NDUFAF1: variants seen among roughly 807,000 people sequenced by gnomAD.
NDUFAF1 encodes the protein complex I intermediate-associated protein 30, mitochondrial.
In NDUFAF1, 18 loss-of-function variants were observed where a neutral mutation model predicts 28.7. That is an observed-to-expected ratio of 0.63 (90% CI 0.43 to 0.93). The LOEUF (loss-of-function observed/expected upper bound fraction) is 0.93. Ranked by LOEUF, NDUFAF1 falls within the 40% of genes least tolerant of loss-of-function variation. NDUFAF1 has a pLI of 0.00. For missense variants in NDUFAF1, 404 were observed against 398.3 expected, an observed-to-expected ratio of 1.01 and a Z score of -0.12; for synonymous variants, 113 against 139.7, an observed-to-expected ratio of 0.81 and a Z score of 1.35.
intron 3 of NDUFAF1, among the ~76,000 whole-genome samples, chr15:41,391,453 C>T (rs189606995): frequency 6.6e-6 from 1 of 151,632 alleles, no homozygotes; most frequent in East Asian, 1.9e-4. Flanking sequence ...AATGAAACCC[C>T]ATCTCTCCTA....
rs562572530 is a variant in NDUFAF1 at position 41,392,768 on chromosome 15, C to T, written c.759+2091G>A. ...CAGGTATTTCTTCATAGCAGCAGCACGAGAACAGACTAATACAGCTTACAT... is the reference window on the plus strand; with the variant it reads ...CAGGTATTTCTTCATAGCAGCAGCATGAGAACAGACTAATACAGCTTACAT... On this transcript the variant is annotated intron_variant, in intron 3 of 4. Coordinates refer to ENST00000260361, the MANE Select transcript of NDUFAF1 (RefSeq NM_016013.4). Among the ~76,000 whole-genome samples the T allele has an allele frequency of 3.8e-4, 58 of 152,220 alleles. 1 individual carries two copies. Among genetic ancestry groups the T allele is most frequent in the Middle Eastern group, 3.4e-3 (1 of 294 alleles).
chr15:41,396,846 T>A lies in NDUFAF1; in HGVS notation c.214A>T (p.Thr72Ser), dbSNP rs770749376. The change falls in exon 2 of 5, where the codon ACT becomes TCT. Residue 72 changes from threonine to serine, a missense_variant. Coordinates refer to ENST00000260361, the MANE Select transcript of NDUFAF1 (RefSeq NM_016013.4). ...DHQKEVALDI[T>S]SSEEKPDVSF... ...ACATCAGGCTTCTCCTCAGAAGAAG[T>A]TATATCCAAAGCAACTTCTTTCTGG... is the stretch of plus-strand genomic sequence containing the variant. 1 of 1,614,088 alleles carries A rather than the reference T, an allele frequency of 6.2e-7. No homozygotes were observed. The highest frequency in any genetic ancestry group is 1.7e-5 in the Admixed American group (1 of 59,980).
intron 3 of NDUFAF1, among the ~76,000 whole-genome samples, chr15:41,391,144 A>G (rs1315150659): frequency 1.3e-5 from 2 of 151,942 alleles, no homozygotes; most frequent in Non-Finnish European, 2.9e-5. Flanking sequence ...TATTTTGTAT[A>G]ATAATTCATT....
rs1257782096 is a variant in NDUFAF1 at position 41,396,852 on chromosome 15, C to A, written c.208G>T (p.Asp70Tyr). ...QGDHQKEVAL[D>Y]ITSSEEKPDV... The stretch of plus-strand genomic sequence containing the variant: ...GGCTTCTCCTCAGAAGAAGTTATAT[C>A]CAAAGCAACTTCTTTCTGGTGATCT... Residue 70 changes from aspartate (D) to tyrosine (Y), a missense_variant, in exon 2 of 5, where the codon GAT (aspartate) becomes TAT (tyrosine). By Grantham distance (160) the Asp-to-Tyr change is radical. Transcript: ENST00000260361. The A allele has an allele frequency of 6.2e-7, 1 of 1,614,138 alleles. No homozygotes were observed. The highest frequency in any genetic ancestry group is 8.5e-7 in the Non-Finnish European group (1 of 1,180,028).
intron 1 of NDUFAF1, among the ~76,000 whole-genome samples, chr15:41,399,455 G>A (rs1256280609): frequency 6.6e-6 from 1 of 151,752 alleles, no homozygotes; most frequent in Non-Finnish European, 1.5e-5. Context: ...TACTCGGGAG[G>A]CTGAGGCAGG....
intron 1 of NDUFAF1, among the ~76,000 whole-genome samples, chr15:41,399,908 G>A (rs1338415042): frequency 1.4e-5 from 2 of 147,868 alleles, no homozygotes; most frequent in East Asian, 2.0e-4. Context: ...GTGTGGTGAC[G>A]GGCACCTATA....
chr15:41,392,074 T>A (rs1431975856), intron 3 of NDUFAF1, among the ~76,000 whole-genome samples: 1 of 148,122 alleles, frequency 6.8e-6, no homozygotes, highest in African/African-American at 2.5e-5. Flanking sequence ...TTCTTTTTTT[T>A]TTTTTTTTTT....
At chr15:41,398,663 A>T (rs79024188) in intron 1 of NDUFAF1, among the ~76,000 whole-genome samples, 4,943 of 152,066 alleles carry the variant, frequency 0.033, 138 homozygotes, top group Middle Eastern at 0.078. Flanking sequence ...TAATTTTTTT[A>T]AAAAATGTTG....
chr15:41,402,741 T>TTA (rs1231959302), upstream of NDUFAF1, among the ~76,000 whole-genome samples: 1 of 148,814 alleles, frequency 6.7e-6, no homozygotes, highest in African/African-American at 2.5e-5. Flanking sequence ...TTTTTTTTTT[T>TTA]TTTTTTTTGA....
chr15:41,398,023 CAAAA>C (rs1217218175), intron 1 of NDUFAF1, among the ~76,000 whole-genome samples: 1 of 56,972 alleles, frequency 1.8e-5, no homozygotes, highest in Admixed American at 2.1e-4. Flanking sequence ...GACTCTGTCT[CAAAA>C]AAAAAAAAAA....
At chr15:41,388,587 G>A in intron 3 of NDUFAF1, 65 bp from the exon 4 acceptor site, 1 of 1,031,600 alleles carries the variant, frequency 9.7e-7, no homozygotes, top group East Asian at 2.4e-5. Flanking sequence ...GCATGTAATT[G>A]TAACGATAAA....
chr15:41,394,861 T>C lies in NDUFAF1; in HGVS notation c.757A>G (p.Lys253Glu). Reference sequence around the variant, plus strand: ...ACAATGAAGATTTATGCTGTTACCTTGACCTCCTGCCAGTAGGGTCCCCCG... The same window carrying C: ...ACAATGAAGATTTATGCTGTTACCTCGACCTCCTGCCAGTAGGGTCCCCCG... ...TRGGPYWQEVKIPFSKFFFSN... is the reference protein window; with the variant it reads ...TRGGPYWQEVEIPFSKFFFSN... Residue 253 changes from lysine to glutamate, a missense_variant and splice_region_variant, in exon 3 of 5, where the codon AAG becomes GAG. Coordinates refer to ENST00000260361, the MANE Select transcript of NDUFAF1 (RefSeq NM_016013.4). 6.2e-7 allele frequency: 1 copy of C among 1,613,984 alleles called. No homozygotes were observed. Among genetic ancestry groups the C allele is most frequent in the Non-Finnish European group, 8.5e-7 (1 of 1,179,942 alleles).
intron 2 of NDUFAF1, 38 bp downstream of exon 2, chr15:41,396,447 CCT>C (rs370930507): frequency 2.0e-4 from 311 of 1,577,544 alleles, no homozygotes; most frequent in Middle Eastern, 8.4e-4. Flanking sequence ...GAAGTTCACC[CCT>C]GTTTACTAGA....
chr15:41,397,635 TAAAAATACA>T (rs1370943982), intron 1 of NDUFAF1, among the ~76,000 whole-genome samples: 1 of 151,556 alleles, frequency 6.6e-6, no homozygotes, highest in East Asian at 1.9e-4. Flanking sequence ...CCGTCTCTAC[TAAAAATACA>T]AAAAATTAGC....
At chr15:41,402,022 C>T in intron 1 of NDUFAF1, 122 bp downstream of exon 1, 2 of 249,672 alleles carry the variant, frequency 8.0e-6, no homozygotes, top group South Asian at 4.1e-5. Flanking sequence ...TTTTTTCTAC[C>T]AGTAAACAGA....
At chr15:41,393,291 ATTTTTTTTTTT>A (rs911259285) in intron 3 of NDUFAF1, among the ~76,000 whole-genome samples, 36 of 93,662 alleles carry the variant, frequency 3.8e-4, no homozygotes, top group African/African-American at 1.6e-3. Context: ...TGCCCGGCTA[ATTTTTTTTTTT>A]TTTTTTTTTT....
At position 41,387,653 on chromosome 15, in the gene NDUFAF1, C is replaced by T. The variant is rs1471682731; in HGVS notation, c.835-60G>A. 8.3e-6 allele frequency: 12 copies of T among 1,437,186 alleles called. No individual in the cohort carries two copies. In the East Asian group the frequency reaches 2.3e-4, roughly 27 times the overall value. The allele number at this position is 1,437,186 out of a possible 1,614,324, so 89.0% of individuals were successfully genotyped here. A position where few individuals can be genotyped will look rare whatever the true frequency, so the allele number is the denominator to read the frequency against. On this transcript the variant is annotated intron_variant, in intron 4 of 4. Coordinates refer to ENST00000260361, the MANE Select transcript of NDUFAF1 (RefSeq NM_016013.4). ...ATACAGTGACGTACTGAGATTATTC[C>T]AGGAGTTTAAAATCCCATCAGGTGA... is the stretch of plus-strand genomic sequence containing the variant.
chr15:41,394,444 A>C, intron 3 of NDUFAF1: 2 of 1,132,378 alleles, frequency 1.8e-6, no homozygotes, highest in Non-Finnish European at 2.4e-6. Context: ...CCTGTGACTT[A>C]GCATGGACCT....
intron 3 of NDUFAF1, among the ~76,000 whole-genome samples, chr15:41,392,951 C>A (rs2050332745): frequency 6.6e-6 from 1 of 151,996 alleles, no homozygotes; most frequent in Admixed American, 6.6e-5. Context: ...AATCCAAACA[C>A]CTGGACCAGG....
Sources: gnomAD v4.1 joint callset for allele counts (sites outside exome capture counted in the v4.1 genomes callset) on GRCh38, gnomAD v4.1.1 for gene constraint, MANE v1.5 for transcripts, NCBI Gene and HGNC (gene_info 2026-07-23, HGNC 2026-07-21) for gene names.